CACNB4: variants seen among roughly 807,000 people sequenced by gnomAD.
CACNB4 encodes the protein calcium voltage-gated channel auxiliary subunit beta 4, also known as voltage-dependent L-type calcium channel subunit beta-4.
In CACNB4, 32 loss-of-function variants were observed where a neutral mutation model predicts 71.2. The ratio of observed to expected loss-of-function variants is 0.45; its 90% CI spans 0.34 to 0.60. CACNB4 has a LOEUF of 0.60. Among genes scored for constraint, CACNB4 ranks in the 20% least tolerant of loss-of-function variants. The probability of loss-of-function intolerance (pLI) is 0.01; values close to 1 mark genes in which losing one functional copy is unlikely to be tolerated. For missense variants in CACNB4, 464 were observed against 647.9 expected, an observed-to-expected ratio of 0.72 and a Z score of 3.08; for synonymous variants, 231 against 236.9, an observed-to-expected ratio of 0.97 and a Z score of 0.23.
intron 2 of CACNB4, among the ~76,000 whole-genome samples, chr2:151,898,719 C>A (rs1260348797): frequency 1.3e-5 from 2 of 152,150 alleles, no homozygotes. Context: ...AAAAATAGGT[C>A]TTTTGTTATC....
Position 151,839,190 on chromosome 2 carries a change from C to T in CACNB4, c.1492G>A (p.Asp498Asn), listed in dbSNP as rs993869519. Reference sequence around the variant, plus strand: ...CGGTTCCTATGGGGTTTGTAAGTGTCCTGGTATGAGTCAGGGTAATCTTCT... The same window carrying T: ...CGGTTCCTATGGGGTTTGTAAGTGTTCTGGTATGAGTCAGGGTAATCTTCT... ...VEEDYPDSYQ[D>N]TYKPHRNRGS... Residue 498 changes from aspartate (D) to asparagine (N), a missense_variant, in exon 14 of 14, where the codon GAC becomes AAC. By Grantham distance (23) the Asp-to-Asn change is conservative. This residue lies in a region of CACNB4 where 115 missense variants were observed against 128.8 expected (regional missense o/e 0.89). Transcript: ENST00000539935. 3 of 1,613,532 alleles carry T rather than the reference C, an allele frequency of 1.9e-6. No individual in the cohort carries two copies. The African/African-American group carries it at 4.0e-5, about 22-fold the overall frequency.
chr2:152,039,015 T>C (rs945540240), intron 2 of CACNB4, among the ~76,000 whole-genome samples: 1 of 152,160 alleles, frequency 6.6e-6, no homozygotes, highest in Non-Finnish European at 1.5e-5. Context: ...TTAGTTAATA[T>C]AGGGATAATT....
At chr2:151,861,499 TTG>T (rs2099841628) in intron 9 of CACNB4, 1 of 152,222 alleles carries the variant, frequency 6.6e-6, no homozygotes, top group Non-Finnish European at 1.5e-5. Flanking sequence ...AATGTGAGTA[TTG>T]TGCCAGGATT....
chr2:151,962,640 A>G (rs570604277), intron 2 of CACNB4, among the ~76,000 whole-genome samples: 2 of 152,370 alleles, frequency 1.3e-5, no homozygotes, highest in East Asian at 3.9e-4. Flanking sequence ...AAATCATGAG[A>G]ACACTAACAT....
In CACNB4 at chr2:152,098,039, T is replaced by G. The variant is rs1039848448; in HGVS notation, c.147+291A>C. Among the ~76,000 whole-genome samples, 1 of 152,168 alleles carries G rather than the reference T, an allele frequency of 6.6e-6. No homozygotes were observed. Among genetic ancestry groups the G allele is most frequent in the Non-Finnish European group, 1.5e-5 (1 of 68,022 alleles). On this transcript the variant is annotated intron_variant, in intron 2 of 13. Transcript: ENST00000539935. This position sits in a 1 kb window ranked among gnomAD's most constrained non-coding sequence, Gnocchi z 5.3. ...CGCACCAAAGATACAACCAGACATATTTCCAGCTCTTAAATTCAACGTCCC... is the reference window on the plus strand; with the variant it reads ...CGCACCAAAGATACAACCAGACATAGTTCCAGCTCTTAAATTCAACGTCCC...
chr2:152,083,663 A>G lies in CACNB4; in HGVS notation c.147+14667T>C, dbSNP rs984719761. 4.6e-5 allele frequency among the ~76,000 whole-genome samples: 7 copies of G among 152,368 alleles called. No homozygotes were observed. The South Asian group carries it at 1.2e-3, about 27-fold the overall frequency. ...AGTTTGCCTCTGAGCTTTCACTTGC[A>G]TGAGTCAATAATTCCATATTTTGCG... On this transcript the variant is annotated intron_variant, in intron 2 of 13. Coordinates refer to ENST00000539935, the MANE Select transcript of CACNB4 (RefSeq NM_000726.5).
chr2:152,088,992 T>C (rs549016011), intron 2 of CACNB4, among the ~76,000 whole-genome samples: 100 of 152,312 alleles, frequency 6.6e-4, no homozygotes, highest in African/African-American at 2.4e-3. Flanking sequence ...AAAGCTACAG[T>C]ATACCCTTAA....
chr2:152,082,960 A>G (rs1342228218), intron 2 of CACNB4, among the ~76,000 whole-genome samples: 2 of 152,190 alleles, frequency 1.3e-5, no homozygotes, highest in Non-Finnish European at 2.9e-5. Context: ...CACACTTAAA[A>G]CAATATCTAA....
At chr2:151,940,541 C>T (rs2151629860) in intron 2 of CACNB4, among the ~76,000 whole-genome samples, 1 of 152,282 alleles carries the variant, frequency 6.6e-6, no homozygotes, top group South Asian at 2.1e-4. Flanking sequence ...ATCAGGACAT[C>T]CACAGACTTG....
Position 151,837,481 on chromosome 2 carries a change from A to C in CACNB4, c.*1638T>G, listed in dbSNP as rs532572810. 2 of 152,166 alleles carry C rather than the reference A, an allele frequency of 1.3e-5. No homozygotes were observed. The highest frequency in any genetic ancestry group is 6.6e-5 in the Admixed American group (1 of 15,262). The allele number at this position is 152,166 out of a possible 1,614,324, so 9.4% of individuals were successfully genotyped here. On this transcript the variant is annotated 3_prime_UTR_variant, in exon 14 of 14. Transcript: ENST00000539935. ...CCTGAATACTGAAAGGCTTGGGGAG[A>C]AAAGAAGATACTATAAAATTAATTA...
chr2:151,864,237 AGTTTAGT>A (rs1395808889), intron 9 of CACNB4, among the ~76,000 whole-genome samples: 22 of 152,148 alleles, frequency 1.4e-4, no homozygotes, highest in Non-Finnish European at 2.9e-5. Context: ...GACTAATAGG[AGTTTAGT>A]TCCCCAGCAG....
intron 2 of CACNB4, chr2:151,970,545 C>A (rs887855675): frequency 6.6e-6 from 1 of 152,018 alleles, no homozygotes; most frequent in Non-Finnish European, 1.5e-5. Context: ...AAATCTACTG[C>A]AAATCAGATG....
intron 2 of CACNB4, among the ~76,000 whole-genome samples, chr2:152,091,563 AGGAG>A (rs1326403031): frequency 6.6e-6 from 1 of 151,970 alleles, no homozygotes; most frequent in African/African-American, 2.4e-5. Context: ...CCAAGAACCC[AGGAG>A]GCAGAGCTTG....
chr2:151,962,668 C>T (rs1435350003), intron 2 of CACNB4, among the ~76,000 whole-genome samples: 2 of 152,228 alleles, frequency 1.3e-5, no homozygotes, highest in Non-Finnish European at 2.9e-5. Flanking sequence ...AAACACAAAA[C>T]GTCTTTGTGA....
rs2099847076 is a variant in CACNB4 at position 151,878,630 on chromosome 2, A to AG, written c.391-2075_391-2074insC. On this transcript the variant is annotated intron_variant, in intron 4 of 13. Coordinates refer to ENST00000539935, the MANE Select transcript of CACNB4 (RefSeq NM_000726.5). ...CTGTAGTCCTAGTGTACTACACAAT[A>AG]CTACACCATTAGCTAGCTATACAAT... Among the ~76,000 whole-genome samples the AG allele has an allele frequency of 1.6e-4, 3 of 18,714 alleles. 1 individual carries two copies. The highest frequency in any genetic ancestry group is 2.2e-4 in the Non-Finnish European group (1 of 4,536). 12.3% of individuals were successfully genotyped at this position (18,714 alleles called of 152,430 possible).
chr2:151,949,973 G>A (rs528647797), intron 2 of CACNB4, among the ~76,000 whole-genome samples: 5 of 152,188 alleles, frequency 3.3e-5, no homozygotes, highest in East Asian at 3.9e-4. Context: ...ACTTGAACCC[G>A]GGAGGTGGAG....
At position 151,860,838 on chromosome 2, in the gene CACNB4, G is replaced by T. The variant is rs765795903; in HGVS notation, c.759-18C>A. 1 of 1,512,106 alleles carries T rather than the reference G, an allele frequency of 6.6e-7. No individual in the cohort carries two copies. The highest frequency in any genetic ancestry group is 9.2e-7 in the Non-Finnish European group (1 of 1,088,428). 93.7% of individuals were successfully genotyped at this position (1,512,106 alleles called of 1,614,324 possible). Reference sequence around the variant, plus strand: ...TTGAAATCCTATGAATAGGAACACAGAACAGAACAAGCCAGTAAAAATGTT... The same window carrying T: ...TTGAAATCCTATGAATAGGAACACATAACAGAACAAGCCAGTAAAAATGTT... On this transcript the variant is annotated intron_variant, in intron 9 of 13. Transcript: ENST00000539935.
intron 2 of CACNB4, among the ~76,000 whole-genome samples, chr2:151,925,574 GAATTTTCAATTTTGTTTGGC>G (rs2099860019): frequency 6.6e-6 from 1 of 152,082 alleles, no homozygotes; most frequent in Non-Finnish European, 1.5e-5. Context: ...GTACCTGGAA[GAATTTTCAATTTTGTTTGGC>G]AACTGTGCAT....
At chr2:152,004,242 C>A (rs151005343) in intron 2 of CACNB4, among the ~76,000 whole-genome samples, 2 of 152,244 alleles carry the variant, frequency 1.3e-5, no homozygotes, top group African/African-American at 4.8e-5. Context: ...CTTTATTTCC[C>A]TCTGAATGAA....
Sources: gnomAD v4.1 joint callset for allele counts (sites outside exome capture counted in the v4.1 genomes callset) on GRCh38, gnomAD v4.1.1 for gene constraint, gnomAD v4.1.1 regional missense constraint, Gnocchi (gnomAD v3.1) non-coding constraint, MANE v1.5 for transcripts, NCBI Gene and HGNC (gene_info 2026-07-23, HGNC 2026-07-21) for gene names.